The following CTNNA3 variants were observed in gnomAD, a reference collection of about 807,000 sequenced individuals.
CTNNA3 encodes catenin alpha 3.
Under a neutral mutation model 95.7 loss-of-function variants are expected in CTNNA3, and 76 were observed. The ratio of observed to expected loss-of-function variants is 0.79; its 90% confidence interval spans 0.66 to 0.96. The LOEUF (loss-of-function observed/expected upper bound fraction) is 0.96, where lower values mean the gene tolerates loss of function less well. Among genes scored for constraint, CTNNA3 ranks in the 40% least tolerant of loss-of-function variants. The probability of loss-of-function intolerance (pLI) is 0.00; values close to 1 mark genes in which losing one functional copy is unlikely to be tolerated. For missense variants in CTNNA3, 1,191 were observed against 1,089.8 expected (o/e 1.09, Z -1.31); for synonymous variants, 431 against 374.4 (o/e 1.15, Z -1.74).
chr10:66,871,465 C>T (rs566842109), intron 7 of CTNNA3, among the ~76,000 whole-genome samples: 2 of 148,832 alleles, frequency 1.3e-5, no homozygotes, highest in Non-Finnish European at 1.5e-5. Flanking sequence ...GGGAGGCTGA[C>T]GCAGGAGAAT....
At chr10:67,139,333 C>A (rs1023588960) in intron 7 of CTNNA3, among the ~76,000 whole-genome samples, 16 of 134,232 alleles carry the variant, frequency 1.2e-4, no homozygotes, top group Non-Finnish European at 2.2e-4. Flanking sequence ...ATTTGTAGTA[C>A]AGACAGGGTT....
rs138918240 is a variant in CTNNA3, at chr10:67,050,883, C to T, written c.1047+129434G>A. ...AAGTTTTGTTTGGATTACTTACATA[C>T]GTAGCACAAATGATTCTTTATTTGC... On this transcript the variant is annotated intron_variant, in intron 7 of 17. Transcript: ENST00000433211. Among the ~76,000 whole-genome samples the T allele has an allele frequency of 1.6e-4, 25 of 152,252 alleles. No individual in the cohort carries two copies. The East Asian group carries it at 2.1e-3, about 13-fold the overall frequency.
At chr10:67,521,736 C>A (rs1289123096) in intron 5 of CTNNA3, 106 bp downstream of exon 5, 1 of 1,388,320 alleles carries the variant, frequency 7.2e-7, no homozygotes, top group South Asian at 1.4e-5. Flanking sequence ...TCTGCTCTAA[C>A]CATTAGAAGA....
intron 11 of CTNNA3, among the ~76,000 whole-genome samples, chr10:66,427,442 A>C (rs966481735): frequency 2.2e-4 from 33 of 152,006 alleles, no homozygotes; most frequent in African/African-American, 7.5e-4. Context: ...TAACATCTAT[A>C]GGGTCAGTAT....
intron 1 of CTNNA3, among the ~76,000 whole-genome samples, chr10:67,704,365 G>T (rs1219052497): frequency 6.6e-6 from 1 of 152,172 alleles, no homozygotes; most frequent in Non-Finnish European, 1.5e-5. Flanking sequence ...CATGCTACCT[G>T]ACTTCAAACT....
chr10:66,028,712 T>A (rs2079391161), intron 15 of CTNNA3, among the ~76,000 whole-genome samples: 1 of 152,040 alleles, frequency 6.6e-6, no homozygotes. Context: ...ACCTGCACAT[T>A]GTGCATGTGT....
chr10:66,066,651 C>T (rs533539600), intron 15 of CTNNA3, among the ~76,000 whole-genome samples: 2 of 152,176 alleles, frequency 1.3e-5, no homozygotes, highest in African/African-American at 4.8e-5. Context: ...TATGAAATTC[C>T]ATGTATAATA....
intron 5 of CTNNA3, among the ~76,000 whole-genome samples, chr10:67,490,615 C>T (rs1454295595): frequency 6.6e-6 from 1 of 152,004 alleles, no homozygotes; most frequent in Non-Finnish European, 1.5e-5. Context: ...GAGAACCATA[C>T]TGAAAACAGA....
At chr10:66,234,333 A>G (rs897777983) in intron 13 of CTNNA3, among the ~76,000 whole-genome samples, 3 of 152,190 alleles carry the variant, frequency 2.0e-5, no homozygotes, top group African/African-American at 7.2e-5. Flanking sequence ...GTCTCCCCCT[A>G]CTAAACAGCA....
At chr10:67,626,194 A>G (rs1054130361) in intron 2 of CTNNA3, among the ~76,000 whole-genome samples, 10 of 148,304 alleles carry the variant, frequency 6.7e-5, no homozygotes, top group Non-Finnish European at 8.9e-5. Context: ...AAAAAAAAAA[A>G]AAGAAGTTTG....
intron 11 of CTNNA3, among the ~76,000 whole-genome samples, chr10:66,498,831 G>C (rs186726628): frequency 6.6e-6 from 1 of 152,284 alleles, no homozygotes; most frequent in Non-Finnish European, 1.5e-5. Flanking sequence ...GAATAGTTAT[G>C]CTACATACAT....
chr10:66,741,602 T>G (rs1180979696), intron 9 of CTNNA3, among the ~76,000 whole-genome samples: 4 of 152,164 alleles, frequency 2.6e-5, no homozygotes, highest in Non-Finnish European at 5.9e-5. Context: ...ACAGGTTGGA[T>G]GAGTGTTTGG....
chr10:66,806,272 T>TGTGTG (rs1275185628), intron 7 of CTNNA3, among the ~76,000 whole-genome samples: 14 of 147,382 alleles, frequency 9.5e-5, no homozygotes, highest in Non-Finnish European at 1.7e-4. Flanking sequence ...TGTGTGTGTG[T>TGTGTG]GTGTGTGTGT....
intron 16 of CTNNA3, among the ~76,000 whole-genome samples, chr10:65,972,904 GAAAAA>G (rs3052085): frequency 0.018 from 2,477 of 140,134 alleles, 73 homozygotes; most frequent in African/African-American, 0.06. Flanking sequence ...TCCTAAGGGG[GAAAAA>G]AAAAAAAAAA....
intron 6 of CTNNA3, among the ~76,000 whole-genome samples, chr10:67,196,309 G>A (rs1863367949): frequency 6.6e-6 from 1 of 151,700 alleles, no homozygotes; most frequent in Admixed American, 6.6e-5. Context: ...ATTATTTATA[G>A]TACTTTGGTA....
intron 7 of CTNNA3, among the ~76,000 whole-genome samples, chr10:67,166,577 C>A (rs961276037): frequency 6.6e-6 from 1 of 152,174 alleles, no homozygotes; most frequent in African/African-American, 2.4e-5. Context: ...TACCTACTAA[C>A]ATCAGTTTTG....
At chr10:66,329,468 G>T (rs186837555) in intron 12 of CTNNA3, among the ~76,000 whole-genome samples, 9 of 151,818 alleles carry the variant, frequency 5.9e-5, no homozygotes, top group Admixed American at 5.9e-4. Flanking sequence ...TCAAATGAAC[G>T]CATAAAATTA....
At chr10:66,194,070 A>G (rs1007657306) in intron 13 of CTNNA3, among the ~76,000 whole-genome samples, 3 of 152,186 alleles carry the variant, frequency 2.0e-5, no homozygotes, top group Admixed American at 6.6e-5. Context: ...AGAGATTTTC[A>G]AAACTTGATC....
intron 7 of CTNNA3, among the ~76,000 whole-genome samples, chr10:67,103,278 C>T (rs937612526): frequency 3.3e-5 from 5 of 151,804 alleles, no homozygotes; most frequent in African/African-American, 9.7e-5. Flanking sequence ...CCTGACTGAA[C>T]ATTTTTCTTG....
Sources: allele counts gnomAD v4.1 joint callset (sites outside exome capture counted in the v4.1 genomes callset), GRCh38; gene constraint gnomAD v4.1.1; transcripts MANE v1.5; gene names NCBI Gene and HGNC (gene_info 2026-07-23, HGNC 2026-07-21).